SUMF1: variants seen among roughly 807,000 people sequenced by gnomAD.
The protein encoded by SUMF1 is formylglycine-generating enzyme.
In SUMF1, 48 loss-of-function variants were observed where a neutral mutation model predicts 47.6. The ratio of observed to expected loss-of-function variants is 1.01; its 90% CI spans 0.80 to 1.28. SUMF1 has a LOEUF of 1.28. Among genes scored for constraint, SUMF1 ranks in the 50% most tolerant of loss-of-function variants. The pLI is 0.00. For synonymous variants in SUMF1, 230 were observed against 192.1 expected, an observed-to-expected ratio of 1.20 and a Z score of -1.63; for missense variants, 571 against 485.4, an observed-to-expected ratio of 1.18 and a Z score of -1.66.
chr3:4,095,518 A>G (rs1256591803), intron 8 of SUMF1, among the ~76,000 whole-genome samples: 1 of 152,154 alleles, frequency 6.6e-6, no homozygotes, highest in African/African-American at 2.4e-5. Flanking sequence ...TGACTTGTTC[A>G]GCATTGTTCA....
At chr3:4,332,794 C>T (rs1350585354) in intron 8 of SUMF1, among the ~76,000 whole-genome samples, 3 of 152,106 alleles carry the variant, frequency 2.0e-5, no homozygotes, top group African/African-American at 4.8e-5. Context: ...TGGATACCTG[C>T]GGCCCTAAGT....
chr3:4,215,279 G>C (rs565264620), intron 8 of SUMF1, among the ~76,000 whole-genome samples: 5 of 152,222 alleles, frequency 3.3e-5, no homozygotes, highest in African/African-American at 1.2e-4. Flanking sequence ...CACATAAACA[G>C]AACCAATGCC....
chr3:4,371,515 G>T (rs536253223), intron 8 of SUMF1, among the ~76,000 whole-genome samples: 1 of 152,170 alleles, frequency 6.6e-6, no homozygotes, highest in South Asian at 2.1e-4. Context: ...TCATTATAGA[G>T]AATGCCACAA....
intron 8 of SUMF1, among the ~76,000 whole-genome samples, chr3:4,345,341 A>C (rs218035): frequency 0.075 from 11,388 of 152,268 alleles, 621 homozygotes; most frequent in South Asian, 0.29. Context: ...ATCTCTTGGC[A>C]GAAACTCTAC....
intron 8 of SUMF1, among the ~76,000 whole-genome samples, chr3:4,284,925 G>T (rs1187866348): frequency 6.6e-6 from 1 of 152,074 alleles, no homozygotes; most frequent in East Asian, 1.9e-4. Flanking sequence ...TGTTAACTTT[G>T]ATATGAACTT....
intron 8 of SUMF1, among the ~76,000 whole-genome samples, chr3:4,093,776 A>G (rs374863279): frequency 1.3e-4 from 20 of 152,114 alleles, no homozygotes; most frequent in East Asian, 5.8e-4. Context: ...AAGAAGAATA[A>G]AAAATTAACA....
chr3:4,051,521 C>T (rs1465828869), intron 9 of SUMF1, among the ~76,000 whole-genome samples: 2 of 152,154 alleles, frequency 1.3e-5, no homozygotes, highest in Non-Finnish European at 2.9e-5. Context: ...ACTTATGCCT[C>T]CATACAGATG....
At chr3:4,373,591 C>T (rs965260221) in intron 8 of SUMF1, among the ~76,000 whole-genome samples, 1 of 152,090 alleles carries the variant, frequency 6.6e-6, no homozygotes, top group East Asian at 1.9e-4. Flanking sequence ...TTAAAACTCT[C>T]GGCCCAAATG....
chr3:4,048,278 G>A (rs1003175885), intron 9 of SUMF1, among the ~76,000 whole-genome samples: 1 of 152,090 alleles, frequency 6.6e-6, no homozygotes, highest in Non-Finnish European at 1.5e-5. Flanking sequence ...AATCACATAG[G>A]GGAAGGAGAC....
chr3:4,205,592 G>A (rs528898550), intron 8 of SUMF1, among the ~76,000 whole-genome samples: 83 of 152,292 alleles, frequency 5.5e-4, no homozygotes, highest in Middle Eastern at 3.4e-3. Flanking sequence ...AAAGGGCATC[G>A]AGTGTTGTAA....
intron 8 of SUMF1, among the ~76,000 whole-genome samples, chr3:4,201,453 T>C (rs927011211): frequency 6.6e-6 from 1 of 152,082 alleles, no homozygotes; most frequent in African/African-American, 2.4e-5. Context: ...CTTCCACCCA[T>C]CTTGTTGTAA....
downstream of SUMF1, among the ~76,000 whole-genome samples, chr3:4,357,750 G>A (rs913057768): frequency 1.3e-5 from 2 of 151,860 alleles, no homozygotes; most frequent in African/African-American, 4.8e-5. Flanking sequence ...TGGGATTACA[G>A]GCATGCACCA....
chr3:4,192,044 G>A (rs771938504), intron 8 of SUMF1, among the ~76,000 whole-genome samples: 10 of 152,088 alleles, frequency 6.6e-5, no homozygotes, highest in Non-Finnish European at 1.0e-4. Context: ...GGACAAAAAT[G>A]GCATTAGAGA....
At chr3:4,334,042 C>G (rs981257777) in intron 8 of SUMF1, among the ~76,000 whole-genome samples, 1 of 151,816 alleles carries the variant, frequency 6.6e-6, no homozygotes, top group African/African-American at 2.4e-5. Context: ...GTGGGCAGAT[C>G]ACTTGAGCCC....
rs192551223 is a variant in SUMF1 at position 4,456,600 on chromosome 3, C to T, written c.271-3551G>A. On this transcript the variant is annotated intron_variant, in intron 1 of 8. Coordinates refer to ENST00000272902, the MANE Select transcript of SUMF1 (RefSeq NM_182760.4). ...CTGAGTAGCTGGGAGTACAGGCACC[C>T]GCCACCACACCAGGCTAATATATAT... Among the ~76,000 whole-genome samples the T allele has an allele frequency of 9.5e-4, 134 of 140,948 alleles. 2 individuals are homozygous for T. The highest frequency in any genetic ancestry group is 8.5e-3 in the Admixed American group (119 of 13,926). 92.5% of individuals were successfully genotyped at this position (140,948 alleles called of 152,430 possible).
intron 8 of SUMF1, among the ~76,000 whole-genome samples, chr3:4,112,026 C>G (rs1286210523): frequency 6.6e-6 from 1 of 151,994 alleles, no homozygotes; most frequent in African/African-American, 2.4e-5. Flanking sequence ...CATGAGAAAA[C>G]AGTCATTGTT....
chr3:4,385,949 G>A (rs1274140632), intron 7 of SUMF1, among the ~76,000 whole-genome samples: 1 of 152,114 alleles, frequency 6.6e-6, no homozygotes, highest in African/African-American at 2.4e-5. Flanking sequence ...ATATATGTGT[G>A]GGCCTATTTC....
At chr3:4,389,205 C>T (rs965419484) in intron 7 of SUMF1, among the ~76,000 whole-genome samples, 2 of 152,116 alleles carry the variant, frequency 1.3e-5, no homozygotes, top group African/African-American at 4.8e-5. Context: ...TCTCCTTATT[C>T]CAAAAAGATA....
At chr3:4,237,902 G>T (rs1348351088) in intron 8 of SUMF1, among the ~76,000 whole-genome samples, 1 of 152,066 alleles carries the variant, frequency 6.6e-6, no homozygotes, top group Admixed American at 6.6e-5. Context: ...TCTACATTAG[G>T]TATTGGTCCT....
Sources: allele counts gnomAD v4.1 joint callset (sites outside exome capture counted in the v4.1 genomes callset), GRCh38; gene constraint gnomAD v4.1.1; transcripts MANE v1.5; gene names NCBI Gene and HGNC (gene_info 2026-07-23, HGNC 2026-07-21).